Variants in TMEM117 observed in about 807,000 individuals in gnomAD.
TMEM117 encodes the protein transmembrane protein 117.
In TMEM117, 27 loss-of-function variants were observed where a neutral mutation model predicts 52.4. That is an observed-to-expected ratio of 0.51 (90% confidence interval 0.38 to 0.71). The LOEUF (loss-of-function observed/expected upper bound fraction) is 0.71. Among genes scored for constraint, TMEM117 ranks in the 30% least tolerant of loss-of-function variants. The pLI, the probability that TMEM117 is intolerant of heterozygous loss-of-function variation, is 0.00. For missense variants in TMEM117, 556 were observed against 630.5 expected (o/e 0.88, Z 1.26); for synonymous variants, 215 against 206.3 (o/e 1.04, Z -0.36).
intron 3 of TMEM117, among the ~76,000 whole-genome samples, chr12:44,030,110 G>C (rs537317477): frequency 7.9e-5 from 12 of 152,254 alleles, no homozygotes; most frequent in Non-Finnish European, 1.5e-4. Flanking sequence ...AAAGTAAAAA[G>C]AGTAATGCTT....
intron 5 of TMEM117, among the ~76,000 whole-genome samples, chr12:44,287,024 A>T (rs1422311275): frequency 6.6e-6 from 1 of 152,114 alleles, no homozygotes; most frequent in African/African-American, 2.4e-5. Context: ...CTTTACCGAG[A>T]TCTTAGTGCA....
At chr12:43,797,228 ATAAG>A in the TMEM117 span, 3 of 1,492,774 alleles carry the variant, frequency 2.0e-6, no homozygotes, top group Non-Finnish European at 1.8e-6. Flanking sequence ...TGGGCAAGAA[ATAAG>A]TAAGAATATA....
At chr12:43,988,454 A>G (rs190557613) in intron 3 of TMEM117, among the ~76,000 whole-genome samples, 1 of 152,276 alleles carries the variant, frequency 6.6e-6, no homozygotes, top group East Asian at 1.9e-4. Context: ...TTACATTCAT[A>G]TGGTAGTGCT....
intron 2 of TMEM117, among the ~76,000 whole-genome samples, chr12:43,931,018 C>T (rs903467572): frequency 7.2e-5 from 11 of 152,134 alleles, no homozygotes; most frequent in African/African-American, 2.7e-4. Context: ...CTGAAGATGC[C>T]TCTTGACTCT....
At chr12:43,854,615 TA>T (rs1319021848) in intron 2 of TMEM117, among the ~76,000 whole-genome samples, 1 of 151,994 alleles carries the variant, frequency 6.6e-6, no homozygotes, top group African/African-American at 2.4e-5. Flanking sequence ...GCACACTTTT[TA>T]AAAAATTTTA....
chr12:44,093,741 A>G (rs962162043), intron 3 of TMEM117, among the ~76,000 whole-genome samples: 3 of 152,124 alleles, frequency 2.0e-5, no homozygotes, highest in Non-Finnish European at 4.4e-5. Context: ...AAGAGACAGA[A>G]TCATCTAAGG....
rs143582883 is a variant in TMEM117 at position 44,010,435 on chromosome 12, G to A, written c.410+66093G>A. Among the ~76,000 whole-genome samples, 310 of 152,148 alleles carry A rather than the reference G, an allele frequency of 2.0e-3. 3 individuals are homozygous for A. Among genetic ancestry groups the A allele is most frequent in the African/African-American group, 7.1e-3 (296 of 41,494 alleles). On this transcript the variant is annotated intron_variant, in intron 3 of 7. Transcript: ENST00000266534. ...TGGCAAGTGAAGCTCCAAGATTTTC[G>A]GAGCCTTGGAAGGGGCCCTGGAAGA...
At chr12:43,932,299 G>T (rs1944883535) in intron 2 of TMEM117, among the ~76,000 whole-genome samples, 1 of 147,858 alleles carries the variant, frequency 6.8e-6, no homozygotes, top group East Asian at 2.0e-4. Flanking sequence ...AAATTCTTTG[G>T]TAGTCAGATT....
At chr12:43,942,821 G>T (rs1177652411) in intron 2 of TMEM117, among the ~76,000 whole-genome samples, 2 of 152,044 alleles carry the variant, frequency 1.3e-5, no homozygotes, top group Non-Finnish European at 2.9e-5. Flanking sequence ...ATAATTTCCA[G>T]ATAGAAATAC....
chr12:43,813,999 T>C, the TMEM117 span, among the ~76,000 whole-genome samples: 8 of 152,110 alleles, frequency 5.3e-5, no homozygotes, highest in Non-Finnish European at 1.0e-4. Context: ...GGTATATTCA[T>C]ACTGTGACAG....
intron 7 of TMEM117, among the ~76,000 whole-genome samples, chr12:44,387,720 A>G (rs1952108216): frequency 6.6e-6 from 1 of 152,108 alleles, no homozygotes; most frequent in African/African-American, 2.4e-5. Flanking sequence ...GATAACCTAC[A>G]TGGAACCAAA....
chr12:43,977,751 T>G (rs1205997610), intron 3 of TMEM117, among the ~76,000 whole-genome samples: 4 of 152,080 alleles, frequency 2.6e-5, no homozygotes, highest in Non-Finnish European at 5.9e-5. Flanking sequence ...ATGTTCCACA[T>G]GTGGCAAAAT....
At chr12:44,147,078 T>G (rs2138210232) in intron 4 of TMEM117, among the ~76,000 whole-genome samples, 1 of 152,330 alleles carries the variant, frequency 6.6e-6, no homozygotes, top group African/African-American at 2.4e-5. Context: ...AAGAGATATA[T>G]AACTCAGGGT....
intron 3 of TMEM117, among the ~76,000 whole-genome samples, chr12:44,045,330 G>C (rs1220161448): frequency 6.6e-6 from 1 of 152,196 alleles, no homozygotes; most frequent in Non-Finnish European, 1.5e-5. Flanking sequence ...GGGGTGATCA[G>C]CCAGCTAGTT....
chr12:44,214,137 A>ATT (rs1949683730), intron 5 of TMEM117, among the ~76,000 whole-genome samples: 1 of 93,408 alleles, frequency 1.1e-5, no homozygotes, highest in Non-Finnish European at 2.1e-5. Context: ...TTTTTTTTTT[A>ATT]ATTTTTTTTT....
chr12:43,935,203 G>A (rs1944932298), intron 2 of TMEM117, among the ~76,000 whole-genome samples: 1 of 151,998 alleles, frequency 6.6e-6, no homozygotes. Flanking sequence ...AGTTTTGCCA[G>A]GTTGCCCAGG....
intron 7 of TMEM117, among the ~76,000 whole-genome samples, chr12:44,385,176 C>G (rs980500065): frequency 2.0e-5 from 3 of 152,108 alleles, no homozygotes; most frequent in Non-Finnish European, 4.4e-5. Context: ...GCTTTGTTGC[C>G]ATGGTGCTCC....
chr12:43,862,923 C>T (rs561626890), intron 2 of TMEM117, among the ~76,000 whole-genome samples: 10 of 152,114 alleles, frequency 6.6e-5, no homozygotes, highest in East Asian at 5.8e-4. Context: ...GCTGAGATTA[C>T]GCACTGCACT....
At chr12:44,285,125 A>G (rs1565673394) in intron 5 of TMEM117, among the ~76,000 whole-genome samples, 1 of 152,216 alleles carries the variant, frequency 6.6e-6, no homozygotes, top group Admixed American at 6.5e-5. Context: ...CACATACATT[A>G]CAATCTGAGT....
Sources: gnomAD v4.1 joint callset for allele counts (sites outside exome capture counted in the v4.1 genomes callset) on GRCh38, gnomAD v4.1.1 for gene constraint, MANE v1.5 for transcripts, NCBI Gene and HGNC (gene_info 2026-07-23, HGNC 2026-07-21) for gene names.